LRP1B: variants seen among roughly 807,000 people sequenced by gnomAD.
LRP1B encodes the protein low-density lipoprotein receptor-related protein 1B.
Under a neutral mutation model 556.6 loss-of-function variants are expected in LRP1B, and 217 were observed. The observed-to-expected ratio is 0.39, with a 90% CI of 0.35 to 0.44. LRP1B has a LOEUF of 0.44. LRP1B is among the 20% of genes least tolerant of loss of function. LRP1B has a pLI of 1.00. For synonymous variants in LRP1B, 2,047 were observed against 1,865.8 expected (o/e 1.10, Z -2.50); for missense variants, 5,053 against 5,620.8 (o/e 0.90, Z 3.23).
intron 65 of LRP1B, among the ~76,000 whole-genome samples, chr2:140,443,404 A>G (rs1686515758): frequency 6.6e-6 from 1 of 152,200 alleles, no homozygotes; most frequent in Non-Finnish European, 1.5e-5. Context: ...CTTAGACTGT[A>G]AACTGCATCA....
intron 1 of LRP1B, among the ~76,000 whole-genome samples, chr2:142,077,122 GATA>G (rs1232993008): frequency 2.0e-5 from 3 of 152,046 alleles, no homozygotes; most frequent in Non-Finnish European, 2.9e-5. Flanking sequence ...TAACAATAAT[GATA>G]ATAATAAGTT....
At chr2:140,719,376 G>A (rs949655965) in intron 35 of LRP1B, among the ~76,000 whole-genome samples, 6 of 150,232 alleles carry the variant, frequency 4.0e-5, no homozygotes, top group Admixed American at 6.7e-5. Context: ...TATTTTTGCA[G>A]GAATTCAAAG....
intron 43 of LRP1B, among the ~76,000 whole-genome samples, chr2:140,577,777 C>T (rs893747373): frequency 7.9e-5 from 12 of 152,018 alleles, no homozygotes; most frequent in Non-Finnish European, 1.6e-4. Flanking sequence ...TATTGAATTC[C>T]TTATTTTTTA....
chr2:140,899,414 G>A (rs973609974), intron 23 of LRP1B, among the ~76,000 whole-genome samples: 1 of 152,132 alleles, frequency 6.6e-6, no homozygotes, highest in East Asian at 1.9e-4. Context: ...GTAGCTAGCT[G>A]CTATTTTTAT....
intron 3 of LRP1B, among the ~76,000 whole-genome samples, chr2:141,454,825 G>A (rs918296745): frequency 2.6e-5 from 4 of 152,112 alleles, no homozygotes; most frequent in Non-Finnish European, 4.4e-5. Flanking sequence ...AGAAATATAC[G>A]AAGCTAGATC....
intron 2 of LRP1B, among the ~76,000 whole-genome samples, chr2:141,601,638 CCTTCCTTT>C (rs1325792165): frequency 1.1e-4 from 14 of 123,738 alleles, no homozygotes; most frequent in African/African-American, 3.6e-4. Flanking sequence ...TTCCTTCCTT[CCTTCCTTT>C]TTTTTTCCTT....
chr2:142,111,658 C>T (rs1706992353), intron 1 of LRP1B, among the ~76,000 whole-genome samples: 1 of 152,036 alleles, frequency 6.6e-6, no homozygotes, highest in Admixed American at 6.6e-5. Flanking sequence ...AACAAGCAAA[C>T]AAACAGGTAA....
intron 2 of LRP1B, among the ~76,000 whole-genome samples, chr2:141,687,374 A>G (rs186082399): frequency 3.3e-4 from 50 of 152,112 alleles, no homozygotes; most frequent in African/African-American, 1.1e-3. Context: ...AGTAAGCCAA[A>G]TATTCTGACT....
At chr2:140,412,593 G>A (rs1573907765) in intron 66 of LRP1B, among the ~76,000 whole-genome samples, 2 of 151,982 alleles carry the variant, frequency 1.3e-5, no homozygotes, top group African/African-American at 4.8e-5. Flanking sequence ...TACTTATAAA[G>A]TACCCACTAT....
intron 2 of LRP1B, among the ~76,000 whole-genome samples, chr2:141,715,690 C>T (rs1222207469): frequency 6.6e-6 from 1 of 151,934 alleles, no homozygotes; most frequent in East Asian, 1.9e-4. Flanking sequence ...TGGTGGGTGC[C>T]TATAATCCCA....
chr2:140,842,554 A>G (rs759002081), intron 29 of LRP1B, among the ~76,000 whole-genome samples: 38 of 152,222 alleles, frequency 2.5e-4, no homozygotes, highest in Non-Finnish European at 4.7e-4. Flanking sequence ...TTGTTTCTCA[A>G]TCTTAAACTT....
At chr2:140,850,404 T>G (rs1692422260) in intron 28 of LRP1B, 75 bp from the exon 29 acceptor site, 1 of 727,518 alleles carries the variant, frequency 1.4e-6, no homozygotes, top group African/African-American at 1.9e-5. Context: ...AAAATATTAC[T>G]TGATTTAATA....
rs118023062 is a variant in LRP1B at position 140,780,451 on chromosome 2, C to T, written c.5360-4213G>A. Among the ~76,000 whole-genome samples, 15 of 152,310 alleles carry T rather than the reference C, an allele frequency of 9.8e-5. No homozygotes were observed. The East Asian group carries it at 2.7e-3, about 28-fold the overall frequency. ...TTCTGTCTCCTAGGCCAAAGCCCCT[C>T]ACCATGGGGACATGGGTGATTGAGT... On this transcript the variant is annotated intron_variant, in intron 32 of 90. Transcript: ENST00000389484.
At chr2:140,788,813 T>C (rs959464726) in intron 32 of LRP1B, among the ~76,000 whole-genome samples, 1 of 152,136 alleles carries the variant, frequency 6.6e-6, no homozygotes. Flanking sequence ...TATTTGGAGA[T>C]TGAGTCTTAA....
intron 3 of LRP1B, among the ~76,000 whole-genome samples, chr2:141,404,940 T>C (rs1690580273): frequency 6.6e-6 from 1 of 151,928 alleles, no homozygotes; most frequent in South Asian, 2.1e-4. Context: ...ACACGAAGAA[T>C]AGTTAGCTGG....
At chr2:141,806,369 C>T (rs1469282147) in intron 2 of LRP1B, among the ~76,000 whole-genome samples, 1 of 151,874 alleles carries the variant, frequency 6.6e-6, no homozygotes, top group East Asian at 1.9e-4. Context: ...TTCTCATTGC[C>T]TCATAGAGCC....
intron 49 of LRP1B, among the ~76,000 whole-genome samples, chr2:140,520,477 A>T (rs929400870): frequency 6.6e-6 from 1 of 152,006 alleles, no homozygotes; most frequent in Non-Finnish European, 1.5e-5. Context: ...ATGAGGGAGG[A>T]ATAGCATTAG....
chr2:140,358,747 T>A (rs1682361131), intron 73 of LRP1B, 74 bp downstream of exon 73: 5 of 1,501,096 alleles, frequency 3.3e-6, no homozygotes, highest in Admixed American at 1.7e-5. Context: ...ATGTATTTTT[T>A]AAAATGTTTG....
chr2:141,952,788 G>A (rs747728377), intron 1 of LRP1B, among the ~76,000 whole-genome samples: 20 of 152,150 alleles, frequency 1.3e-4, no homozygotes, highest in Non-Finnish European at 1.9e-4. Context: ...TTATCTTTAC[G>A]TTGGGTCAGT....
Sources: gnomAD v4.1 joint callset for allele counts (sites outside exome capture counted in the v4.1 genomes callset) on GRCh38, gnomAD v4.1.1 for gene constraint, MANE v1.5 for transcripts, NCBI Gene and HGNC (gene_info 2026-07-23, HGNC 2026-07-21) for gene names.